Variants in TBC1D14 observed in about 807,000 individuals in gnomAD.
TBC1D14 encodes the protein TBC1 domain family member 14, also known as TBC1 domain family, member 14.
In TBC1D14, 26 loss-of-function variants were observed where a neutral mutation model predicts 79.0. The ratio of observed to expected loss-of-function variants is 0.33; its 90% CI spans 0.24 to 0.46. The LOEUF is 0.46. Ranked by LOEUF, TBC1D14 falls within the 20% of genes least tolerant of loss-of-function variation. The pLI is 1.00. For synonymous variants in TBC1D14, 394 were observed against 349.9 expected, an observed-to-expected ratio of 1.13 and a Z score of -1.40; for missense variants, 769 against 887.6, an observed-to-expected ratio of 0.87 and a Z score of 1.70.
intron 3 of TBC1D14, among the ~76,000 whole-genome samples, chr4:6,977,063 T>TCTCCCTCTCCCTCCTCTC (rs1225649513): frequency 7.1e-5 from 1 of 14,030 alleles, no homozygotes; most frequent in Non-Finnish European, 2.4e-4. Context: ...TCCCTCTCCC[T>TCTCCCTCTCCCTCCTCTC]CCTCTCCCTC....
intron 2 of TBC1D14, among the ~76,000 whole-genome samples, chr4:6,940,656 G>T (rs541577959): frequency 6.6e-6 from 1 of 152,182 alleles, no homozygotes; most frequent in Admixed American, 6.5e-5. Flanking sequence ...TATTCTGAAG[G>T]TGCCTGTTGT....
At chr4:7,002,812 T>C (rs1313280882) in intron 7 of TBC1D14, among the ~76,000 whole-genome samples, 1 of 152,228 alleles carries the variant, frequency 6.6e-6, no homozygotes, top group African/African-American at 2.4e-5. Flanking sequence ...CAAACAAACT[T>C]GGTTGCTGAG....
At chr4:7,010,002 A>C (rs1720591023) in intron 10 of TBC1D14, 54 bp downstream of exon 10, 1 of 1,597,668 alleles carries the variant, frequency 6.3e-7, no homozygotes, top group Non-Finnish European at 8.6e-7. Context: ...AGAAAGTCAG[A>C]TATTGTCCAG....
intron 7 of TBC1D14, among the ~76,000 whole-genome samples, chr4:7,002,672 T>A (rs1719789411): frequency 6.6e-6 from 1 of 152,190 alleles, no homozygotes; most frequent in Non-Finnish European, 1.5e-5. Context: ...CTCTACCTTT[T>A]CACCCTTACC....
intron 6 of TBC1D14, 41 bp downstream of exon 6, chr4:6,999,243 T>C: frequency 1.3e-6 from 2 of 1,551,814 alleles, no homozygotes; most frequent in Non-Finnish European, 1.8e-6. Context: ...GCAGAGCATG[T>C]CTTTCTAGAA....
intron 2 of TBC1D14, among the ~76,000 whole-genome samples, chr4:6,960,309 C>T (rs1201947224): frequency 6.8e-6 from 1 of 147,648 alleles, no homozygotes; most frequent in African/African-American, 2.5e-5. Context: ...CCAGGCTGAT[C>T]TCAAACTCCT....
chr4:6,920,526 C>T (rs1723765877), intron 1 of TBC1D14, among the ~76,000 whole-genome samples: 1 of 152,178 alleles, frequency 6.6e-6, no homozygotes. Context: ...GTGCAGGCTC[C>T]TTACAAAAGC....
chr4:6,924,946 A>C (rs1000069459), intron 2 of TBC1D14, among the ~76,000 whole-genome samples: 3 of 152,066 alleles, frequency 2.0e-5, no homozygotes, highest in Non-Finnish European at 4.4e-5. Context: ...TGAACTCCCG[A>C]ACGGTGGCGT....
chr4:6,965,893 A>T (rs1460613214), intron 2 of TBC1D14, among the ~76,000 whole-genome samples: 1 of 152,278 alleles, frequency 6.6e-6, no homozygotes, highest in African/African-American at 2.4e-5. Context: ...ATTTTGCTTC[A>T]TGTAATTAAT....
In TBC1D14 at chr4:7,009,859, C is replaced by G. The variant is rs571820088; in HGVS notation, c.1447-18C>G. The G allele has an allele frequency of 1.2e-6, 2 of 1,613,908 alleles. No homozygotes were observed. The highest frequency in any genetic ancestry group is 1.7e-6 in the Non-Finnish European group (2 of 1,179,864). ...AGTACTCATGCATGTGTTGTTTTTG[C>G]TGTGTTGATCCTTTTAGGGTGGTCC... On this transcript the variant is annotated intron_variant, in intron 9 of 13. Transcript: ENST00000409757.
At chr4:6,927,319 G>A (rs561132797) in intron 2 of TBC1D14, among the ~76,000 whole-genome samples, 172 of 152,214 alleles carry the variant, frequency 1.1e-3, no homozygotes, top group African/African-American at 3.9e-3. Flanking sequence ...CACCGCAGCC[G>A]AGAGTGCTGG....
Position 7,014,562 on chromosome 4 carries a change from G to C in TBC1D14, c.1757+5G>C. ...AGATATCTACCTAATTGATTGGTAA[G>C]ACTGGCTTTTCCCTGTGTTTTCAGA... On this transcript the variant is annotated splice_donor_5th_base_variant and intron_variant, in intron 12 of 13. Transcript: ENST00000409757. 1 of 1,583,518 alleles carries C rather than the reference G, an allele frequency of 6.3e-7. No individual in the cohort carries two copies. The highest frequency in any genetic ancestry group is 8.7e-7 in the Non-Finnish European group (1 of 1,152,700).
At position 6,985,442 on chromosome 4, in the gene TBC1D14, T is replaced by C. The variant is rs372358834; in HGVS notation, c.844-8742T>C. ...AAGGTCAAAGATTTATTTTACGCCT[T>C]GAGGAGACCAGTAAGAGATAAAACT... On this transcript the variant is annotated intron_variant, in intron 3 of 13. Coordinates refer to ENST00000409757, the MANE Select transcript of TBC1D14 (RefSeq NM_020773.3). Among the ~76,000 whole-genome samples the C allele has an allele frequency of 6.6e-4, 101 of 152,352 alleles. 1 individual carries two copies. The South Asian group carries it at 0.02, about 30-fold the overall frequency.
In TBC1D14 at chr4:6,923,548, G is replaced by A; in HGVS notation, c.159G>A (p.Arg53=). The change falls in exon 2 of 14, where the codon AGG becomes AGA. Residue 53 remains arginine (R), a synonymous_variant. Transcript: ENST00000409757. The stretch of plus-strand genomic sequence containing the variant: ...AGTACGGGCCCAAGCTGAAACTCAG[G>A]GCTTTAGAAGACCGGCACAGCCTCC... ...APEYGPKLKL[R]ALEDRHSLQS... The A allele has an allele frequency of 2.5e-6, 4 of 1,614,160 alleles. No homozygotes were observed. Among genetic ancestry groups the A allele is most frequent in the Non-Finnish European group, 3.4e-6 (4 of 1,180,044 alleles).
intron 3 of TBC1D14, among the ~76,000 whole-genome samples, chr4:6,972,705 C>T (rs2109065586): frequency 1.3e-5 from 2 of 152,158 alleles, no homozygotes; most frequent in Admixed American, 1.3e-4. Flanking sequence ...CTTTACTGGC[C>T]CAATCAGAAA....
intron 12 of TBC1D14, among the ~76,000 whole-genome samples, chr4:7,019,170 C>T (rs1398608674): frequency 3.9e-5 from 6 of 152,030 alleles, no homozygotes; most frequent in Admixed American, 6.6e-5. Flanking sequence ...TGCAGGCGCC[C>T]GCCACCACCC....
At chr4:6,962,145 G>C (rs574981214) in intron 2 of TBC1D14, among the ~76,000 whole-genome samples, 55 of 152,296 alleles carry the variant, frequency 3.6e-4, no homozygotes, top group Non-Finnish European at 6.2e-4. Flanking sequence ...ATCTGAGTGG[G>C]CACCTGGACG....
At chr4:6,986,378 A>G (rs1717824618) in intron 3 of TBC1D14, among the ~76,000 whole-genome samples, 1 of 152,256 alleles carries the variant, frequency 6.6e-6, no homozygotes, top group South Asian at 2.1e-4. Flanking sequence ...GCTGAATTAT[A>G]GAAGAAGCTG....
At chr4:6,987,125 T>C in intron 3 of TBC1D14, 1 of 939,014 alleles carries the variant, frequency 1.1e-6, no homozygotes, top group Admixed American at 7.3e-5. Flanking sequence ...CCCCGCCCCC[T>C]TGGGAGTCTC....
Sources: allele counts gnomAD v4.1 joint callset (sites outside exome capture counted in the v4.1 genomes callset), GRCh38; gene constraint gnomAD v4.1.1; transcripts MANE v1.5; gene names NCBI Gene and HGNC (gene_info 2026-07-23, HGNC 2026-07-21).